ZNF354B: variants seen among roughly 807,000 people sequenced by gnomAD.
The protein encoded by ZNF354B is zinc finger protein 354B.
A neutral mutation model predicts 12.9 loss-of-function variants in ZNF354B; 10 were observed. That is an observed-to-expected ratio of 0.77 (90% CI 0.48 to 1.31). The LOEUF (loss-of-function observed/expected upper bound fraction) is 1.31. Among genes scored for constraint, ZNF354B ranks in the 40% most tolerant of loss-of-function variants. The pLI is 0.00. For missense variants in ZNF354B, 614 were observed against 711.7 expected, an observed-to-expected ratio of 0.86 and a Z score of 1.56; for synonymous variants, 260 against 243.7, an observed-to-expected ratio of 1.07 and a Z score of -0.62.
At chr5:178,876,153 G>C (rs1156637118) in intron 4 of ZNF354B, among the ~76,000 whole-genome samples, 1 of 152,228 alleles carries the variant, frequency 6.6e-6, no homozygotes, top group African/African-American at 2.4e-5. Context: ...TTCTCTCTCA[G>C]ATTTCCTCCT....
At chr5:178,874,540 C>T (rs548301353) in intron 4 of ZNF354B, among the ~76,000 whole-genome samples, 1 of 152,298 alleles carries the variant, frequency 6.6e-6, no homozygotes, top group African/African-American at 2.4e-5. Context: ...TTCTGCATTT[C>T]AGTTGCATTA....
intron 4 of ZNF354B, among the ~76,000 whole-genome samples, chr5:178,876,800 C>T (rs749694456): frequency 7.2e-5 from 11 of 152,034 alleles, no homozygotes; most frequent in Non-Finnish European, 1.5e-5. Context: ...ATTCATATTT[C>T]CCTCTAGCTC....
intron 1 of ZNF354B, chr5:178,860,620 G>C: frequency 5.8e-6 from 1 of 171,686 alleles, no homozygotes; most frequent in Non-Finnish European, 1.2e-5. Flanking sequence ...CGTGGTGGGA[G>C]TCCCGGCCCG....
chr5:178,882,630 C>A, intron 4 of ZNF354B, 79 bp from the exon 5 acceptor site: 1 of 1,409,234 alleles, frequency 7.1e-7, no homozygotes, highest in Non-Finnish European at 9.4e-7. Flanking sequence ...TACTGAGATA[C>A]AATTAATCCC....
chr5:178,874,452 T>G (rs1453602668), intron 4 of ZNF354B, among the ~76,000 whole-genome samples: 3 of 152,236 alleles, frequency 2.0e-5, no homozygotes, highest in African/African-American at 4.8e-5. Context: ...ATTCTTTTTC[T>G]TTATTTTTAT....
chr5:178,884,029 A>T lies in ZNF354B; in HGVS notation c.1577A>T (p.Glu526Val). Residue 526 changes from glutamate (E) to valine (V), a missense_variant, in exon 5 of 5, where the codon GAA (glutamate) becomes GTA (valine). By Grantham distance (121) the Glu-to-Val change is moderately radical. Coordinates refer to ENST00000322434, the MANE Select transcript of ZNF354B (RefSeq NM_058230.3). ...HTGEKPYRCLECGMSFGQSAA... is the reference protein window; with the variant it reads ...HTGEKPYRCLVCGMSFGQSAA... ...GGAGAGAAACCATATCGATGTTTAG[A>T]ATGTGGGATGTCTTTTGGCCAAAGT... 6.2e-7 allele frequency: 1 copy of T among 1,614,112 alleles called. No individual in the cohort carries two copies.
chr5:178,879,173 C>T (rs1022630715), intron 4 of ZNF354B, among the ~76,000 whole-genome samples: 4 of 151,056 alleles, frequency 2.6e-5, no homozygotes, highest in South Asian at 2.1e-4. Flanking sequence ...ATCAGCCTCC[C>T]GAGTAGCTGG....
chr5:178,884,201 T>TG lies in ZNF354B; in HGVS notation c.1752dup (p.Lys585GlufsTer4). 6.2e-7 allele frequency: 1 copy of TG among 1,613,998 alleles called. No individual in the cohort carries two copies. The highest frequency in any genetic ancestry group is 8.5e-7 in the Non-Finnish European group (1 of 1,179,912). ...AGAAACCCTATGAATGTAATGCATG[T>TG]GGGAAACTCTTTAGCCAGAGGTCAT... On this transcript the variant is annotated frameshift_variant, in exon 5 of 5. Transcript: ENST00000322434. LOFTEE classifies it low-confidence loss of function (END_TRUNC).
chr5:178,864,134 C>G (rs1460621675), intron 2 of ZNF354B, among the ~76,000 whole-genome samples: 1 of 152,190 alleles, frequency 6.6e-6, no homozygotes, highest in Admixed American at 6.5e-5. Flanking sequence ...ACAATAGTGT[C>G]CTAAGTTTCA....
intron 2 of ZNF354B, among the ~76,000 whole-genome samples, chr5:178,861,773 G>A (rs942514624): frequency 3.3e-5 from 5 of 152,160 alleles, no homozygotes; most frequent in Admixed American, 6.5e-5. Context: ...AGATGGCAGC[G>A]TTTTAACCCA....
In ZNF354B at chr5:178,873,533, G is replaced by A. The variant is rs148533720; in HGVS notation, c.256+6462G>A. ...TGCTCCATCATTATTTGTTGAAGTC[G>A]TCTTTCCTCTGCGGAGTTCTTTGGT... On this transcript the variant is annotated intron_variant, in intron 4 of 4. Transcript: ENST00000322434. Among the ~76,000 whole-genome samples, 832 of 152,216 alleles carry A rather than the reference G, an allele frequency of 5.5e-3. 6 individuals carry two copies. Among genetic ancestry groups the A allele is most frequent in the African/African-American group, 0.018 (764 of 41,524 alleles).
Position 178,884,364 on chromosome 5 carries a change from A to C in ZNF354B, c.*73A>C. 1 of 1,446,694 alleles carries C rather than the reference A, an allele frequency of 6.9e-7. No homozygotes were observed. The highest frequency in any genetic ancestry group is 2.3e-5 in the Admixed American group (1 of 42,560). The allele number at this position is 1,446,694 out of a possible 1,614,324, so 89.6% of individuals were successfully genotyped here. A position where few individuals can be genotyped will look rare whatever the true frequency, so the allele number is the denominator to read the frequency against. On this transcript the variant is annotated 3_prime_UTR_variant, in exon 5 of 5. Transcript: ENST00000322434. ...TATTAAATATAATGAATATGAGAAA[A>C]CTCTTAGTTCTCATCAGATACTAAG...
intron 2 of ZNF354B, among the ~76,000 whole-genome samples, chr5:178,862,410 A>G (rs1348503170): frequency 7.8e-6 from 1 of 128,116 alleles, no homozygotes; most frequent in Middle Eastern, 4.8e-3. Flanking sequence ...TCTGTCACCC[A>G]GGCTGGAGTG....
chr5:178,872,028 A>G (rs1047390485), intron 4 of ZNF354B, among the ~76,000 whole-genome samples: 1 of 152,240 alleles, frequency 6.6e-6, no homozygotes, highest in Non-Finnish European at 1.5e-5. Flanking sequence ...CACAACCAAG[A>G]TACTGACATT....
intron 4 of ZNF354B, among the ~76,000 whole-genome samples, chr5:178,879,636 C>A (rs933397457): frequency 6.6e-6 from 1 of 152,164 alleles, no homozygotes; most frequent in Non-Finnish European, 1.5e-5. Flanking sequence ...GTCTCAGCCT[C>A]CCAAAGTGCT....
chr5:178,864,910 A>G (rs539481494), intron 2 of ZNF354B, among the ~76,000 whole-genome samples: 2 of 151,364 alleles, frequency 1.3e-5, no homozygotes, highest in East Asian at 3.9e-4. Context: ...GGTGTGAGCC[A>G]CCACACCTGG....
intron 2 of ZNF354B, among the ~76,000 whole-genome samples, chr5:178,864,365 G>C (rs921866806): frequency 1.3e-5 from 2 of 152,150 alleles, no homozygotes; most frequent in African/African-American, 2.4e-5. Flanking sequence ...TAGCCTAGGA[G>C]TAACAGGCTG....
chr5:178,861,403 C>G (rs1757346154), intron 2 of ZNF354B, among the ~76,000 whole-genome samples: 1 of 152,250 alleles, frequency 6.6e-6, no homozygotes, highest in Non-Finnish European at 1.5e-5. Flanking sequence ...TCACCCATGT[C>G]TCCGTTCCTG....
intron 4 of ZNF354B, among the ~76,000 whole-genome samples, chr5:178,876,346 A>G (rs1561669774): frequency 6.6e-6 from 1 of 152,148 alleles, no homozygotes; most frequent in Non-Finnish European, 1.5e-5. Context: ...CCAGTCCCTA[A>G]TCACTGTGCC....
Sources: gnomAD v4.1 joint callset for allele counts (sites outside exome capture counted in the v4.1 genomes callset) on GRCh38, gnomAD v4.1.1 for gene constraint, MANE v1.5 for transcripts, NCBI Gene and HGNC (gene_info 2026-07-23, HGNC 2026-07-21) for gene names.